C6: variants seen among roughly 807,000 people sequenced by gnomAD.
C6 encodes complement C6.
In C6, 101 loss-of-function variants were observed where a neutral mutation model predicts 112.9. The observed-to-expected ratio is 0.89, with a 90% CI of 0.76 to 1.06. The LOEUF (loss-of-function observed/expected upper bound fraction) is 1.06. C6 is among the 50% of genes least tolerant of loss of function. The probability of loss-of-function intolerance (pLI) is 0.00; values close to 1 mark genes in which losing one functional copy is unlikely to be tolerated. For missense variants in C6, 1,202 were observed against 1,104.6 expected, an observed-to-expected ratio of 1.09 and a Z score of -1.25; for synonymous variants, 431 against 384.1, an observed-to-expected ratio of 1.12 and a Z score of -1.43.
intron 1 of C6, among the ~76,000 whole-genome samples, chr5:41,207,678 C>G (rs1751546678): frequency 6.6e-6 from 1 of 152,220 alleles, no homozygotes; most frequent in South Asian, 2.1e-4. Context: ...GAAGAGCTAA[C>G]TATCCTAAAT....
chr5:41,158,897 A>G lies in C6; in HGVS notation c.1857-112T>C, dbSNP rs1747192055. On this transcript the variant is annotated intron_variant, in intron 12 of 17. Coordinates refer to ENST00000337836, the MANE Select transcript of C6 (RefSeq NM_000065.5). ...CACATTGCATACATATATGTATTAA[A>G]TAGAAAACATTACACACAGAAAAAG... is the stretch of plus-strand genomic sequence containing the variant. 11 of 987,256 alleles carry G rather than the reference A, an allele frequency of 1.1e-5. No individual in the cohort carries two copies. The Middle Eastern group carries it at 8.3e-4, about 75-fold the overall frequency. 61.2% of individuals were successfully genotyped at this position (987,256 alleles called of 1,614,324 possible).
At chr5:41,229,246 T>C (rs1054910045) in intron 1 of C6, among the ~76,000 whole-genome samples, 7 of 152,124 alleles carry the variant, frequency 4.6e-5, no homozygotes, top group African/African-American at 1.7e-4. Flanking sequence ...TTTTTCTTTT[T>C]CTTGTTTCTT....
At chr5:41,167,446 T>C (rs2150289524) in intron 9 of C6, among the ~76,000 whole-genome samples, 1 of 152,226 alleles carries the variant, frequency 6.6e-6, no homozygotes, top group South Asian at 2.1e-4. Context: ...GGGGGAATAT[T>C]GGACATGTGG....
rs568770259 is a variant in C6, at chr5:41,150,708, G to A, written c.2291-683C>T. 8.5e-5 allele frequency among the ~76,000 whole-genome samples: 13 copies of A among 152,052 alleles called. No individual in the cohort carries two copies. In the East Asian group the frequency reaches 1.4e-3, roughly 16 times the overall value. On this transcript the variant is annotated intron_variant, in intron 15 of 17. Transcript: ENST00000337836. ...TCGAGAACAGCCTGGTCAATATGGCGAAACCCCATCTGTACTAAAAATACC... is the reference window on the plus strand; with the variant it reads ...TCGAGAACAGCCTGGTCAATATGGCAAAACCCCATCTGTACTAAAAATACC...
At chr5:41,246,973 C>T (rs748060989) in intron 1 of C6, among the ~76,000 whole-genome samples, 1 of 152,058 alleles carries the variant, frequency 6.6e-6, no homozygotes, top group Non-Finnish European at 1.5e-5. Context: ...GCAATAATGA[C>T]AGATATCAGT....
rs781192851 is a variant in C6, at chr5:41,158,711, C to T, written c.1931G>A (p.Cys644Tyr). The part of the protein sequence containing the change: ...DLPEIEADSG[C>Y]PQPVPPENGF... ...ATTTTCTGGAGGAACTGGCTGAGGA[C>T]ACCCGGAATCTGCTTCTATCTCAGG... is the stretch of plus-strand genomic sequence containing the variant. The change falls in exon 13 of 18, where the codon TGT becomes TAT. Residue 644 changes from cysteine (C) to tyrosine (Y), a missense_variant. Physicochemically the swap from Cys to Tyr is radical, Grantham distance 194. Transcript: ENST00000337836. The T allele has an allele frequency of 1.2e-6, 2 of 1,610,864 alleles. No individual in the cohort carries two copies. Among genetic ancestry groups the T allele is most frequent in the South Asian group, 2.2e-5 (2 of 91,024 alleles).
At chr5:41,222,340 T>C (rs1376243017) in intron 1 of C6, among the ~76,000 whole-genome samples, 3 of 152,166 alleles carry the variant, frequency 2.0e-5, no homozygotes, top group East Asian at 3.9e-4. Flanking sequence ...AAAGTTGTTA[T>C]ATGCTAATAG....
At chr5:41,198,914 T>C (rs1750804922) in intron 4 of C6, among the ~76,000 whole-genome samples, 1 of 152,154 alleles carries the variant, frequency 6.6e-6, no homozygotes, top group Non-Finnish European at 1.5e-5. Context: ...GATTTTGCTC[T>C]GATTCCCTTT....
At chr5:41,163,603 G>A (rs917709376) in intron 9 of C6, among the ~76,000 whole-genome samples, 17 of 152,090 alleles carry the variant, frequency 1.1e-4, no homozygotes, top group Non-Finnish European at 1.5e-4. Context: ...GAGCCACTGC[G>A]CCCAGCCTGA....
At chr5:41,205,204 C>T (rs988522779) in intron 1 of C6, among the ~76,000 whole-genome samples, 3 of 152,134 alleles carry the variant, frequency 2.0e-5, no homozygotes. Context: ...CATAGATATG[C>T]TGCTAGAGTC....
intron 1 of C6, among the ~76,000 whole-genome samples, chr5:41,232,099 C>G (rs1440868245): frequency 6.6e-6 from 1 of 152,058 alleles, no homozygotes; most frequent in Non-Finnish European, 1.5e-5. Flanking sequence ...ATCCCTGTAA[C>G]TATGAGATTT....
chr5:41,195,847 C>T lies in C6; in HGVS notation c.532G>A (p.Ala178Thr), dbSNP rs1750573375. Reference protein sequence around the residue: ...SDERDCGRTKAVCTRKYNPIP... With the variant: ...SDERDCGRTKTVCTRKYNPIP... Reference sequence around the variant, plus strand: ...GGATTATACTTCCGTGTGCATACTGCCTTTGTCCTCCCACAGTCCCTTTCA... The same window carrying T: ...GGATTATACTTCCGTGTGCATACTGTCTTTGTCCTCCCACAGTCCCTTTCA... Residue 178 changes from alanine (A) to threonine (T), a missense_variant, in exon 5 of 18, where the codon GCA becomes ACA. Transcript: ENST00000337836. 6.2e-7 allele frequency: 1 copy of T among 1,613,878 alleles called. No individual in the cohort carries two copies. Among genetic ancestry groups the T allele is most frequent in the African/African-American group, 1.3e-5 (1 of 74,922 alleles).
chr5:41,211,505 A>T (rs895861887), intron 1 of C6, among the ~76,000 whole-genome samples: 3 of 152,122 alleles, frequency 2.0e-5, no homozygotes, highest in African/African-American at 7.2e-5. Flanking sequence ...GTATTGGGAC[A>T]ATAGTAGCCA....
In C6 at chr5:41,201,648, A is replaced by G; in HGVS notation, c.210T>C (p.Thr70=). 1 of 1,613,550 alleles carries G rather than the reference A, an allele frequency of 6.2e-7. No homozygotes were observed. Among genetic ancestry groups the G allele is most frequent in the East Asian group, 2.2e-5 (1 of 44,788 alleles). Reference sequence around the variant, plus strand: ...GGCATCTTTGCCAGTTACATTCTCTAGTCTCCTGCTTGCTGCAAATCTGTT... The same window carrying G: ...GGCATCTTTGCCAGTTACATTCTCTGGTCTCCTGCTTGCTGCAAATCTGTT... The part of the protein sequence containing the change: ...FCEQICSKQE[T]RECNWQRCPI... Residue 70 remains threonine (T), a synonymous_variant, in exon 3 of 18, where the codon ACT becomes ACC. Coordinates refer to ENST00000337836, the MANE Select transcript of C6 (RefSeq NM_000065.5).
rs771814711 is a variant in C6, at chr5:41,159,106, C to A, written c.1832G>T (p.Cys611Phe). 5.6e-6 allele frequency: 9 copies of A among 1,613,574 alleles called. No homozygotes were observed. The African/African-American group carries it at 1.2e-4, about 22-fold the overall frequency. ...CTTGTTTTCCATGATTGAAAATGTGCAGTCTTCCTCTTGTCGCTTCTCCCC... is the reference window on the plus strand; with the variant it reads ...CTTGTTTTCCATGATTGAAAATGTGAAGTCTTCCTCTTGTCGCTTCTCCCC... ...CEGEKRQEED[C>F]TFSIMENNGQ... is the part of the protein sequence containing the mutation. Residue 611 changes from cysteine to phenylalanine, a missense_variant, in exon 12 of 18, where the codon TGC becomes TTC. Coordinates refer to ENST00000337836, the MANE Select transcript of C6 (RefSeq NM_000065.5).
Position 41,160,325 on chromosome 5 carries a change from C to A in C6, c.1501G>T (p.Val501Leu). ...TTCCTGAGGTTGTTCCGTTTTGTCACTGCACAGGGGATGTTTCTTACCAAG... is the reference window on the plus strand; with the variant it reads ...TTCCTGAGGTTGTTCCGTTTTGTCAATGCACAGGGGATGTTTCTTACCAAG... ...VDLVRNIPCA[V>L]TKRNNLRKAL... Residue 501 changes from valine (V) to leucine (L), a missense_variant, in exon 11 of 18, where the codon GTG (valine) becomes TTG (leucine). Coordinates refer to ENST00000337836, the MANE Select transcript of C6 (RefSeq NM_000065.5). 1 of 1,613,804 alleles carries A rather than the reference C, an allele frequency of 6.2e-7. No individual in the cohort carries two copies.
chr5:41,181,239 A>T, intron 7 of C6, 120 bp downstream of exon 7: 1 of 877,374 alleles, frequency 1.1e-6, no homozygotes, highest in Non-Finnish European at 1.8e-6. Context: ...AAAATTACTT[A>T]AATCTGTATT....
intron 1 of C6, among the ~76,000 whole-genome samples, chr5:41,206,674 G>C (rs933020685): frequency 2.8e-4 from 43 of 152,108 alleles, no homozygotes; most frequent in Non-Finnish European, 2.5e-4. Context: ...GAAGTTTAGA[G>C]AAAAAAGAGT....
intron 1 of C6, among the ~76,000 whole-genome samples, chr5:41,212,273 G>A (rs1268335981): frequency 1.3e-5 from 2 of 151,960 alleles, no homozygotes; most frequent in Non-Finnish European, 2.9e-5. Flanking sequence ...GCAATTCTCT[G>A]CCTCAGCCTC....
Sources: gnomAD v4.1 joint callset for allele counts (sites outside exome capture counted in the v4.1 genomes callset) on GRCh38, gnomAD v4.1.1 for gene constraint, MANE v1.5 for transcripts, NCBI Gene and HGNC (gene_info 2026-07-23, HGNC 2026-07-21) for gene names.